The following CASP8 variants were observed in gnomAD, a reference collection of about 807,000 sequenced individuals.
CASP8 encodes caspase 8.
CASP8 carries 24 observed loss-of-function variants against 46.3 expected under a neutral mutation model. The observed-to-expected ratio is 0.52, with a 90% CI of 0.38 to 0.73. CASP8 has a LOEUF of 0.73. Among genes scored for constraint, CASP8 ranks in the 30% least tolerant of loss-of-function variants. CASP8 has a pLI of 0.00. For missense variants in CASP8, 460 were observed against 559.0 expected, an observed-to-expected ratio of 0.82 and a Z score of 1.79; for synonymous variants, 188 against 200.4, an observed-to-expected ratio of 0.94 and a Z score of 0.52.
intron 1 of CASP8, among the ~76,000 whole-genome samples, chr2:201,263,913 A>G (rs1005606824): frequency 6.6e-6 from 1 of 152,268 alleles, no homozygotes; most frequent in Non-Finnish European, 1.5e-5. Flanking sequence ...CAAACTGTGC[A>G]GCAAGGTATG....
At chr2:201,279,301 G>A (rs1029430363) in intron 7 of CASP8, among the ~76,000 whole-genome samples, 1 of 152,132 alleles carries the variant, frequency 6.6e-6, no homozygotes, top group Non-Finnish European at 1.5e-5. Flanking sequence ...TCTACACTTC[G>A]GTGTGCCAGG....
chr2:201,266,549 C>T lies in CASP8; in HGVS notation c.63C>T (p.Ser21=). The T allele has an allele frequency of 1.2e-6, 2 of 1,614,048 alleles. No homozygotes were observed. The highest frequency in any genetic ancestry group is 1.3e-5 in the African/African-American group (1 of 74,992). ...GEQLDSEDLA[S]LKFLSLDYIP... The stretch of plus-strand genomic sequence containing the variant: ...AACTGGACAGTGAAGATCTGGCCTC[C>T]CTCAAGTTCCTGAGCCTGGACTACA... Residue 21 remains serine, a synonymous_variant, in exon 2 of 9, where the codon TCC becomes TCT. Coordinates refer to ENST00000673742, the MANE Select transcript of CASP8 (RefSeq NM_001372051.1). The surrounding 1 kb of genome is among the most constrained non-coding windows in gnomAD (Gnocchi z 5.7).
At chr2:201,239,056 A>G (rs985903309) in intron 2 of CASP8, among the ~76,000 whole-genome samples, 18 of 152,296 alleles carry the variant, frequency 1.2e-4, no homozygotes, top group Middle Eastern at 3.4e-3. Flanking sequence ...TGGATACAGC[A>G]CATGTTTCAG....
chr2:201,257,069 C>T (rs1214150044), upstream of CASP8, among the ~76,000 whole-genome samples: 4 of 152,016 alleles, frequency 2.6e-5, no homozygotes, highest in East Asian at 1.9e-4. Context: ...CGCTTGAACC[C>T]GGGAGGCGGA....
intron 2 of CASP8, 77 bp from the exon 3 acceptor site, chr2:201,271,439 G>T: frequency 1.1e-6 from 1 of 876,482 alleles, no homozygotes; most frequent in Non-Finnish European, 2.0e-6. Context: ...TTGGAATCAA[G>T]CCCACTGTGA....
At chr2:201,245,422 G>T (rs1946468042) in intron 2 of CASP8, among the ~76,000 whole-genome samples, 2 of 151,978 alleles carry the variant, frequency 1.3e-5, no homozygotes, top group African/African-American at 4.8e-5. Flanking sequence ...TGTATTTTTA[G>T]TACAGACAGG....
rs2125253277 is a variant in CASP8, at chr2:201,272,614, C to G, written c.412-24C>G. 1 of 1,613,674 alleles carries G rather than the reference C, an allele frequency of 6.2e-7. No homozygotes were observed. Among genetic ancestry groups the G allele is most frequent in the Non-Finnish European group, 8.5e-7 (1 of 1,179,820 alleles). ...ACCAGTAGGGCTCAATCCAGATTCC[C>G]AACTTTATTTCTCCTCCTCTTAGAA... On this transcript the variant is annotated intron_variant, in intron 3 of 8. Coordinates refer to ENST00000673742, the MANE Select transcript of CASP8 (RefSeq NM_001372051.1). The surrounding 1 kb of genome is among the most constrained non-coding windows in gnomAD (Gnocchi z 4.4).
intron 2 of CASP8, among the ~76,000 whole-genome samples, chr2:201,245,366 G>A (rs1290290441): frequency 4.0e-5 from 6 of 151,582 alleles, no homozygotes; most frequent in Admixed American, 6.6e-5. Flanking sequence ...TCAGCCTCCC[G>A]AGTAGCTGGA....
intron 2 of CASP8, among the ~76,000 whole-genome samples, chr2:201,234,838 A>G (rs1450467375): frequency 6.6e-6 from 1 of 152,192 alleles, no homozygotes; most frequent in Non-Finnish European, 1.5e-5. Flanking sequence ...GATGAAAGCA[A>G]TATACTTAGG....
intron 2 of CASP8, among the ~76,000 whole-genome samples, chr2:201,244,758 G>T (rs919568066): frequency 6.6e-6 from 1 of 152,036 alleles, no homozygotes; most frequent in Non-Finnish European, 1.5e-5. Context: ...CTCATGCTTT[G>T]TTTTTTAATA....
In CASP8 at chr2:201,284,309, T is replaced by C. The variant is rs1185451255; in HGVS notation, c.803-507T>C. Among the ~76,000 whole-genome samples, 4 of 69,050 alleles carry C rather than the reference T, an allele frequency of 5.8e-5. 1 individual carries two copies. The highest frequency in any genetic ancestry group is 3.7e-4 in the Admixed American group (3 of 8,124). 45.3% of individuals were successfully genotyped at this position (69,050 alleles called of 152,430 possible). ...GGGCAGAGGCTGCAATCTCGGCTCT[T>C]TGGGAGGCCAAGGCAGGCGGCTGGG... On this transcript the variant is annotated intron_variant, in intron 7 of 8. Transcript: ENST00000673742.
chr2:201,234,874 CTTA>C (rs1323381931), intron 2 of CASP8, among the ~76,000 whole-genome samples: 1 of 152,100 alleles, frequency 6.6e-6, no homozygotes, highest in Non-Finnish European at 1.5e-5. Context: ...TAAGTTCCTA[CTTA>C]TTATGAATTT....
Position 201,286,794 on chromosome 2 carries a change from T to C in CASP8, c.*200T>C. On this transcript the variant is annotated 3_prime_UTR_variant, in exon 9 of 9. Coordinates refer to ENST00000673742, the MANE Select transcript of CASP8 (RefSeq NM_001372051.1). ...CCACACCTGGCTAATTTTTTAAAAATATTTTTAGTAGAGACAGGGTTTCAC... is the reference window on the plus strand; with the variant it reads ...CCACACCTGGCTAATTTTTTAAAAACATTTTTAGTAGAGACAGGGTTTCAC... 1 of 478,426 alleles carries C rather than the reference T, an allele frequency of 2.1e-6. No individual in the cohort carries two copies. 29.6% of individuals were successfully genotyped at this position (478,426 alleles called of 1,614,324 possible).
chr2:201,276,300 A>G (rs1221024894), intron 6 of CASP8, among the ~76,000 whole-genome samples: 2 of 152,192 alleles, frequency 1.3e-5, no homozygotes, highest in African/African-American at 2.4e-5. Flanking sequence ...AGCTGGGTTA[A>G]GCCATCACCT....
intron 2 of CASP8, among the ~76,000 whole-genome samples, chr2:201,253,291 ATCTTTTTTTT>A (rs1946866907): frequency 1.7e-5 from 1 of 58,792 alleles, no homozygotes; most frequent in African/African-American, 5.0e-5. Flanking sequence ...ACCTAGCCTG[ATCTTTTTTTT>A]TTTTTTTTTT....
At position 201,272,365 on chromosome 2, in the gene CASP8, C is replaced by A. The variant is rs937699168; in HGVS notation, c.412-273C>A. On this transcript the variant is annotated intron_variant, in intron 3 of 8. Transcript: ENST00000673742. This position sits in a 1 kb window ranked among gnomAD's most constrained non-coding sequence, Gnocchi z 4.4. ...GTTGTTTCACAGTCCCCAAGTAATG[C>A]ATTCGCAGGAGATTTGAGCACAGGG... is the stretch of plus-strand genomic sequence containing the variant. 2.0e-5 allele frequency among the ~76,000 whole-genome samples: 3 copies of A among 152,098 alleles called. No homozygotes were observed. The highest frequency in any genetic ancestry group is 2.0e-4 in the Admixed American group (3 of 15,262).
chr2:201,268,756 CGGGT>C (rs1033251454), intron 2 of CASP8, among the ~76,000 whole-genome samples: 10 of 152,120 alleles, frequency 6.6e-5, no homozygotes, highest in African/African-American at 2.4e-4. Flanking sequence ...TTCCCTGCTT[CGGGT>C]GGGTGGAGGA....
At chr2:201,236,239 C>T (rs1402331904) in intron 2 of CASP8, among the ~76,000 whole-genome samples, 2 of 152,132 alleles carry the variant, frequency 1.3e-5, no homozygotes, top group Non-Finnish European at 2.9e-5. Context: ...TTTCTCCTAG[C>T]CTTGCTTTAG....
At chr2:201,268,909 T>TTGTGTGTGTGTGTGTG (rs58087434) in intron 2 of CASP8, among the ~76,000 whole-genome samples, 6 of 131,534 alleles carry the variant, frequency 4.6e-5, no homozygotes, top group African/African-American at 8.4e-5. Flanking sequence ...GGCCTCATCT[T>TTGTGTGTGTGTGTGTG]TGTGTGTGTG....
Sources: allele counts gnomAD v4.1 joint callset (sites outside exome capture counted in the v4.1 genomes callset), GRCh38; gene constraint gnomAD v4.1.1; non-coding constraint Gnocchi (gnomAD v3.1); transcripts MANE v1.5; gene names NCBI Gene and HGNC (gene_info 2026-07-23, HGNC 2026-07-21).